PCDH15: variants seen among roughly 807,000 people sequenced by gnomAD.
PCDH15 encodes the protein protocadherin-15.
Under a neutral mutation model 178.5 loss-of-function variants are expected in PCDH15, and 129 were observed. That is an observed-to-expected ratio of 0.72 (90% CI 0.63 to 0.84). The LOEUF is 0.84. Ranked by LOEUF, PCDH15 falls within the 40% of genes least tolerant of loss-of-function variation. The probability of loss-of-function intolerance (pLI) is 0.00; values close to 1 mark genes in which losing one functional copy is unlikely to be tolerated. For missense variants in PCDH15, 2,230 were observed against 2,099.9 expected, an observed-to-expected ratio of 1.06 and a Z score of -1.21; for synonymous variants, 800 against 732.0, an observed-to-expected ratio of 1.09 and a Z score of -1.50.
intron 2 of PCDH15, among the ~76,000 whole-genome samples, chr10:55,112,883 C>G (rs527363479): frequency 1.3e-5 from 2 of 152,228 alleles, no homozygotes; most frequent in East Asian, 3.9e-4. Context: ...CCAAAATATA[C>G]CAAACTCATG....
intron 28 of PCDH15, among the ~76,000 whole-genome samples, chr10:53,855,381 T>C (rs985550397): frequency 1.3e-5 from 2 of 152,044 alleles, no homozygotes; most frequent in African/African-American, 4.8e-5. Context: ...TATAATCAGC[T>C]ATTATTTTGA....
Position 54,527,885 on chromosome 10 carries a change from G to A in PCDH15, c.92-8C>T, listed in dbSNP as rs1344911783. 1.9e-6 allele frequency: 3 copies of A among 1,607,628 alleles called. No homozygotes were observed. Among genetic ancestry groups the A allele is most frequent in the South Asian group, 1.1e-5 (1 of 90,804 alleles). On this transcript the variant is annotated splice_polypyrimidine_tract_variant and splice_region_variant and intron_variant, in intron 2 of 37. Coordinates refer to ENST00000644397, the MANE Select transcript of PCDH15 (RefSeq NM_001384140.1). ...CCCTAGCTAGTTTGCAATCTAAAGA[G>A]AGAAAATAACCAAAAGTAATAATTG...
intron 8 of PCDH15, among the ~76,000 whole-genome samples, chr10:54,292,485 G>C (rs1265017457): frequency 6.6e-6 from 1 of 152,176 alleles, no homozygotes; most frequent in East Asian, 1.9e-4. Flanking sequence ...AATCAGGCAA[G>C]AGAAAGAAAT....
At chr10:55,531,565 TACCC>T (rs1841455135) in intron 2 of PCDH15, among the ~76,000 whole-genome samples, 1 of 152,020 alleles carries the variant, frequency 6.6e-6, no homozygotes, top group Non-Finnish European at 1.5e-5. Flanking sequence ...GCAATATGAC[TACCC>T]TTCATTTCTT....
intron 3 of PCDH15, among the ~76,000 whole-genome samples, chr10:54,829,185 C>A (rs934456221): frequency 6.6e-6 from 1 of 151,930 alleles, no homozygotes; most frequent in Non-Finnish European, 1.5e-5. Context: ...AATTACTCTG[C>A]CTCTTCTGTA....
At chr10:54,519,881 C>A (rs2082660862) in intron 3 of PCDH15, among the ~76,000 whole-genome samples, 1 of 152,120 alleles carries the variant, frequency 6.6e-6, no homozygotes, top group Non-Finnish European at 1.5e-5. Flanking sequence ...ATCAATGGAA[C>A]AGAACAGAGC....
At chr10:53,868,762 TTAAAC>T (rs2079625399) in intron 26 of PCDH15, among the ~76,000 whole-genome samples, 1 of 152,182 alleles carries the variant, frequency 6.6e-6, no homozygotes, top group Non-Finnish European at 1.5e-5. Flanking sequence ...AAAAGGTAAT[TTAAAC>T]TACTCAACAC....
At chr10:54,892,941 C>A (rs565310830) in intron 3 of PCDH15, among the ~76,000 whole-genome samples, 39 of 151,856 alleles carry the variant, frequency 2.6e-4, no homozygotes, top group Non-Finnish European at 4.4e-4. Flanking sequence ...TTAAAAATTT[C>A]ATTTCCAGGC....
intron 2 of PCDH15, among the ~76,000 whole-genome samples, chr10:54,537,192 G>C (rs1448027826): frequency 6.6e-6 from 1 of 151,760 alleles, no homozygotes; most frequent in Non-Finnish European, 1.5e-5. Flanking sequence ...GTAGAGACGG[G>C]GTTTCACCGT....
At chr10:55,393,014 T>C (rs1837836840) in intron 2 of PCDH15, among the ~76,000 whole-genome samples, 1 of 151,584 alleles carries the variant, frequency 6.6e-6, no homozygotes, top group Non-Finnish European at 1.5e-5. Context: ...TGTGTGTGTG[T>C]GTATTTTTGT....
chr10:54,891,380 C>T (rs1954458904), intron 3 of PCDH15, among the ~76,000 whole-genome samples: 1 of 152,058 alleles, frequency 6.6e-6, no homozygotes, highest in African/African-American at 2.4e-5. Flanking sequence ...TACTTTAGCG[C>T]AAAAGCAACA....
At chr10:54,014,985 G>A (rs560979621) in intron 20 of PCDH15, among the ~76,000 whole-genome samples, 38 of 152,222 alleles carry the variant, frequency 2.5e-4, no homozygotes, top group South Asian at 1.2e-3. Context: ...GTTTGCAGAT[G>A]ATATGATTCT....
chr10:55,048,101 T>C (rs1841059697), intron 2 of PCDH15, among the ~76,000 whole-genome samples: 1 of 151,874 alleles, frequency 6.6e-6, no homozygotes, highest in African/African-American at 2.4e-5. Flanking sequence ...AATGCTCTGA[T>C]ACTTCTTATA....
At chr10:54,000,175 C>T (rs1455133233) in intron 20 of PCDH15, among the ~76,000 whole-genome samples, 2 of 152,184 alleles carry the variant, frequency 1.3e-5, no homozygotes, top group Non-Finnish European at 2.9e-5. Context: ...GCAACACCTA[C>T]ATCCTTTCAA....
chr10:54,397,100 A>G, intron 3 of PCDH15, among the ~76,000 whole-genome samples: 1 of 152,086 alleles, frequency 6.6e-6, no homozygotes, highest in Admixed American at 6.6e-5. Context: ...GAAACTTTAA[A>G]CACTTTTCTT....
chr10:54,870,782 T>C (rs1471703088), intron 3 of PCDH15, among the ~76,000 whole-genome samples: 1 of 135,196 alleles, frequency 7.4e-6, no homozygotes, highest in African/African-American at 2.8e-5. Context: ...AGAGACTCCC[T>C]CTCAAAAAAA....
Position 54,309,858 on chromosome 10 carries a change from A to C in PCDH15, c.876+7413T>G, listed in dbSNP as rs1226534380. Among the ~76,000 whole-genome samples, 3 of 152,102 alleles carry C rather than the reference A, an allele frequency of 2.0e-5. 1 individual carries two copies. The highest frequency in any genetic ancestry group is 7.2e-5 in the African/African-American group (3 of 41,422). On this transcript the variant is annotated intron_variant, in intron 8 of 37. Transcript: ENST00000644397. Reference sequence around the variant, plus strand: ...GCCAATGGGTTTCAAGTTAGGATATAATGACAAAGAAGTTTAAAGAATTCA... The same window carrying C: ...GCCAATGGGTTTCAAGTTAGGATATCATGACAAAGAAGTTTAAAGAATTCA...
intron 1 of PCDH15, among the ~76,000 whole-genome samples, chr10:55,317,995 C>T (rs756611906): frequency 1.3e-4 from 20 of 152,098 alleles, no homozygotes; most frequent in Non-Finnish European, 1.8e-4. Flanking sequence ...GAAAAATTGT[C>T]GTCTACATAA....
At chr10:54,331,433 A>G (rs1939547407) in intron 6 of PCDH15, among the ~76,000 whole-genome samples, 1 of 152,004 alleles carries the variant, frequency 6.6e-6, no homozygotes, top group African/African-American at 2.4e-5. Flanking sequence ...AACAATTTAA[A>G]ATATAAATAC....
Sources: allele counts gnomAD v4.1 joint callset (sites outside exome capture counted in the v4.1 genomes callset), GRCh38; gene constraint gnomAD v4.1.1; transcripts MANE v1.5; gene names NCBI Gene and HGNC (gene_info 2026-07-23, HGNC 2026-07-21).